Variants in SLC35F2 observed in about 807,000 individuals in gnomAD.
SLC35F2 encodes the protein queuine/queuosine transporter SLC35F2.
Under a neutral mutation model 38.1 loss-of-function variants are expected in SLC35F2, and 25 were observed. The ratio of observed to expected loss-of-function variants is 0.66; its 90% CI spans 0.48 to 0.92. SLC35F2 has a LOEUF of 0.92. SLC35F2 is among the 40% of genes least tolerant of loss of function. The pLI, the probability that SLC35F2 is intolerant of heterozygous loss-of-function variation, is 0.00. For synonymous variants in SLC35F2, 173 were observed against 181.7 expected, an observed-to-expected ratio of 0.95 and a Z score of 0.38; for missense variants, 409 against 452.9, an observed-to-expected ratio of 0.90 and a Z score of 0.88.
intron 3 of SLC35F2, chr11:107,810,389 T>A: frequency 1.0e-6 from 1 of 985,268 alleles, no homozygotes; most frequent in South Asian, 4.7e-5. Flanking sequence ...TTCAAAACTT[T>A]TTATCATTAG....
intron 1 of SLC35F2, among the ~76,000 whole-genome samples, chr11:107,830,816 A>G (rs1400930804): frequency 1.3e-5 from 2 of 152,130 alleles, no homozygotes; most frequent in African/African-American, 4.8e-5. Flanking sequence ...ATTAGTTAAA[A>G]GAGAGAGAGA....
chr11:107,851,002 C>T (rs930276289), intron 1 of SLC35F2, among the ~76,000 whole-genome samples: 4 of 151,762 alleles, frequency 2.6e-5, no homozygotes, highest in African/African-American at 7.3e-5. Flanking sequence ...CGGTGGCTCA[C>T]GCCTGTAATC....
chr11:107,844,682 A>T (rs898893928), intron 1 of SLC35F2, among the ~76,000 whole-genome samples: 5 of 149,848 alleles, frequency 3.3e-5, no homozygotes, highest in African/African-American at 4.9e-5. Flanking sequence ...AGTTATTGTA[A>T]GAATTACACA....
intron 1 of SLC35F2, among the ~76,000 whole-genome samples, chr11:107,822,864 G>T (rs1056495596): frequency 6.6e-6 from 1 of 151,934 alleles, no homozygotes; most frequent in Non-Finnish European, 1.5e-5. Flanking sequence ...CACCTGAAAG[G>T]TATTTTAGGA....
At chr11:107,794,301 G>A (rs926951109) in intron 7 of SLC35F2, among the ~76,000 whole-genome samples, 1 of 151,994 alleles carries the variant, frequency 6.6e-6, no homozygotes, top group African/African-American at 2.4e-5. Flanking sequence ...GGCTGGTCTC[G>A]AACACCAGAC....
intron 1 of SLC35F2, among the ~76,000 whole-genome samples, chr11:107,833,192 A>G (rs1002947194): frequency 2.0e-5 from 3 of 152,256 alleles, no homozygotes; most frequent in African/African-American, 7.2e-5. Context: ...CCATTTGCCA[A>G]TGCTGTGTGG....
intron 1 of SLC35F2, among the ~76,000 whole-genome samples, chr11:107,829,842 G>T (rs1224233149): frequency 1.3e-5 from 2 of 151,914 alleles, no homozygotes; most frequent in Non-Finnish European, 2.9e-5. Flanking sequence ...ATAAACATAG[G>T]CAACAAACTA....
chr11:107,855,967 T>C (rs1173908950), intron 1 of SLC35F2, among the ~76,000 whole-genome samples: 1 of 151,240 alleles, frequency 6.6e-6, no homozygotes, highest in East Asian at 2.0e-4. Context: ...TAGCCGGGCA[T>C]GGTGGCAGGC....
rs1438483976 is a variant in SLC35F2 at position 107,843,866 on chromosome 11, AAAATATATATATATATATATATATAT to A, written c.110+14766_110+14791del. Among the ~76,000 whole-genome samples, 16 of 38,488 alleles carry A rather than the reference AAAATATATATATATATATATATATAT, an allele frequency of 4.2e-4. 1 individual carries two copies. Among genetic ancestry groups the A allele is most frequent in the African/African-American group, 7.4e-4 (5 of 6,728 alleles). The allele number at this position is 38,488 out of a possible 152,430, so 25.2% of individuals were successfully genotyped here. The stretch of plus-strand genomic sequence containing the variant: ...TATCTTAAAAAAAAAAAAAAAAAAA[AAAATATATATATATATATATATATAT>A]ATATATATATATATATGTATATTAA... On this transcript the variant is annotated intron_variant, in intron 1 of 7. Coordinates refer to ENST00000525815, the MANE Select transcript of SLC35F2 (RefSeq NM_017515.5).
rs543952423 is a variant in SLC35F2 at position 107,820,040 on chromosome 11, G to A, written c.111-4075C>T. Among the ~76,000 whole-genome samples the A allele has an allele frequency of 2.0e-4, 31 of 152,134 alleles. No individual in the cohort carries two copies. In the South Asian group the frequency reaches 2.5e-3, roughly 12 times the overall value. ...AGAGGCCAAGGCGGATGGATTACCC[G>A]AGGTCAGGAGTTTGAGACCAGCTTG... On this transcript the variant is annotated intron_variant, in intron 1 of 7. Transcript: ENST00000525815.
intron 4 of SLC35F2, among the ~76,000 whole-genome samples, chr11:107,806,334 C>T (rs1448652384): frequency 6.6e-6 from 1 of 152,160 alleles, no homozygotes; most frequent in Non-Finnish European, 1.5e-5. Flanking sequence ...ACACTTAACT[C>T]ACTTGTAGAC....
chr11:107,815,756 T>C (rs1859561862), intron 2 of SLC35F2, 34 bp downstream of exon 2: 9 of 1,557,872 alleles, frequency 5.8e-6, no homozygotes, highest in Middle Eastern at 1.7e-4. Context: ...TGAAGATAAT[T>C]TTGTTGAAAA....
At chr11:107,810,437 T>C in intron 3 of SLC35F2, 3 of 984,856 alleles carry the variant, frequency 3.0e-6, no homozygotes, top group Non-Finnish European at 3.6e-6. Flanking sequence ...AATCAAGTAA[T>C]TAAAATGTAG....
At chr11:107,814,867 G>A (rs1859542188) in intron 2 of SLC35F2, among the ~76,000 whole-genome samples, 1 of 152,182 alleles carries the variant, frequency 6.6e-6, no homozygotes, top group African/African-American at 2.4e-5. Flanking sequence ...GGAGGGCAAG[G>A]CAGGTGAATC....
rs1432261867 is a variant in SLC35F2, at chr11:107,843,867, AAATATATATAT to A, written c.110+14780_110+14790del. ...ATCTTAAAAAAAAAAAAAAAAAAAA[AAATATATATAT>A]ATATATATATATATATATATATATA... On this transcript the variant is annotated intron_variant, in intron 1 of 7. Transcript: ENST00000525815. Among the ~76,000 whole-genome samples the A allele has an allele frequency of 2.1e-3, 63 of 30,702 alleles. 1 individual carries two copies. The highest frequency in any genetic ancestry group is 5.7e-3 in the South Asian group (4 of 706). The allele number at this position is 30,702 out of a possible 152,430, so 20.1% of individuals were successfully genotyped here.
chr11:107,829,380 C>T (rs186795397), intron 1 of SLC35F2, among the ~76,000 whole-genome samples: 2 of 151,818 alleles, frequency 1.3e-5, no homozygotes, highest in African/African-American at 4.8e-5. Context: ...GATCGTGCCA[C>T]CGCACTACAG....
chr11:107,843,884 T>A (rs3099828), intron 1 of SLC35F2, among the ~76,000 whole-genome samples: 2,414 of 58,168 alleles, frequency 0.042, 110 homozygotes, highest in African/African-American at 0.081. Flanking sequence ...TATATATATA[T>A]ATATATATAT....
At chr11:107,815,393 A>AT (rs201518262) in intron 2 of SLC35F2, among the ~76,000 whole-genome samples, 12,152 of 149,804 alleles carry the variant, frequency 0.081, 1,405 homozygotes, top group African/African-American at 0.26. Flanking sequence ...CTAAAATAAA[A>AT]AAAAAAAAAA....
chr11:107,805,453 T>C lies in SLC35F2; in HGVS notation c.637A>G (p.Asn213Asp). ...TTCACGATGTATTCCTCACAAACAT[T>C]TGAAATGGCATAGAGGGAAGCCCCA... ...LLGASLYAIS[N>D]VCEEYIVKKL... Residue 213 changes from asparagine (N) to aspartate (D), a missense_variant, in exon 5 of 8, where the codon AAT (asparagine) becomes GAT (aspartate). Physicochemically the swap from Asn to Asp is conservative, Grantham distance 23 (BLOSUM62 1). Coordinates refer to ENST00000525815, the MANE Select transcript of SLC35F2 (RefSeq NM_017515.5). The C allele has an allele frequency of 1.2e-6, 2 of 1,614,096 alleles. No individual in the cohort carries two copies. The highest frequency in any genetic ancestry group is 1.7e-6 in the Non-Finnish European group (2 of 1,180,012).
Sources: gnomAD v4.1 joint callset for allele counts (sites outside exome capture counted in the v4.1 genomes callset) on GRCh38, gnomAD v4.1.1 for gene constraint, MANE v1.5 for transcripts, NCBI Gene and HGNC (gene_info 2026-07-23, HGNC 2026-07-21) for gene names.